Variants in BLTP3B observed in about 807,000 individuals in gnomAD.
BLTP3B encodes UHRF1 (ICBP90) binding protein 1-like.
the BLTP3B span, chr12:100,070,172 G>A: frequency 1.3e-6 from 2 of 1,560,918 alleles, no homozygotes; most frequent in African/African-American, 1.4e-5. Context: ...GAAGGCAGCT[G>A]AGAGAAACAA....
chr12:100,041,289 T>C, the BLTP3B span, among the ~76,000 whole-genome samples: 623 of 152,200 alleles, frequency 4.1e-3, 8 homozygotes, highest in African/African-American at 0.014. Flanking sequence ...AAGTTAGAAA[T>C]AGAAGGGAAC....
chr12:100,116,316 T>C, the BLTP3B span, among the ~76,000 whole-genome samples: 1 of 151,368 alleles, frequency 6.6e-6, no homozygotes. Flanking sequence ...TAGCTAAGCA[T>C]AGTGGCAGGG....
At chr12:100,113,111 C>A in the BLTP3B span, among the ~76,000 whole-genome samples, 3 of 152,166 alleles carry the variant, frequency 2.0e-5, no homozygotes, top group African/African-American at 7.2e-5. Context: ...GTCGAGGTTG[C>A]AGTGAACCAT....
the BLTP3B span, chr12:100,059,302 T>C: frequency 2.5e-6 from 4 of 1,613,966 alleles, no homozygotes; most frequent in Non-Finnish European, 3.4e-6. Context: ...TGAGCATGTC[T>C]CTGGAAAATT....
chr12:100,078,883 G>A, the BLTP3B span, among the ~76,000 whole-genome samples: 3 of 152,060 alleles, frequency 2.0e-5, no homozygotes, highest in African/African-American at 7.2e-5. Flanking sequence ...GAATTATGGG[G>A]GCAAGTCTTT....
the BLTP3B span, among the ~76,000 whole-genome samples, chr12:100,103,160 A>G: frequency 4.3e-4 from 65 of 152,280 alleles, no homozygotes; most frequent in African/African-American, 1.5e-3. Flanking sequence ...ATGAAAACAG[A>G]ATCTCTACTC....
the BLTP3B span, among the ~76,000 whole-genome samples, chr12:100,081,447 T>C: frequency 6.6e-6 from 1 of 152,184 alleles, no homozygotes; most frequent in Non-Finnish European, 1.5e-5. Flanking sequence ...AGGGGGTACA[T>C]GTGCAGGTTT....
At chr12:100,037,922 A>G in the BLTP3B span, among the ~76,000 whole-genome samples, 3 of 152,172 alleles carry the variant, frequency 2.0e-5, no homozygotes, top group African/African-American at 7.2e-5. Context: ...GGAAACATGT[A>G]TCAAGCACTT....
At chr12:100,082,704 T>C in the BLTP3B span, among the ~76,000 whole-genome samples, 1 of 152,246 alleles carries the variant, frequency 6.6e-6, no homozygotes. Context: ...TGGTTGTAGG[T>C]GTGCAGCTTT....
the BLTP3B span, chr12:100,095,630 T>A: frequency 6.4e-7 from 1 of 1,573,070 alleles, no homozygotes; most frequent in Non-Finnish European, 8.6e-7. Flanking sequence ...TATTTTCATG[T>A]AAAGTAAGTA....
the BLTP3B span, among the ~76,000 whole-genome samples, chr12:100,041,480 A>G: frequency 8.2e-6 from 1 of 121,514 alleles, no homozygotes; most frequent in Admixed American, 1.2e-4. Context: ...CTCTGTCGCC[A>G]GGCTGGAGTG....
At chr12:100,117,851 C>G in the BLTP3B span, among the ~76,000 whole-genome samples, 10 of 152,236 alleles carry the variant, frequency 6.6e-5, no homozygotes, top group African/African-American at 2.4e-4. Flanking sequence ...CCCAGAGATT[C>G]TGGTGCTCTT....
chr12:100,081,182 G>T, the BLTP3B span, among the ~76,000 whole-genome samples: 1 of 152,080 alleles, frequency 6.6e-6, no homozygotes, highest in Admixed American at 6.6e-5. Context: ...GCCCAGTCTC[G>T]GGTATGTCTT....
At chr12:100,050,962 T>C in the BLTP3B span, 31 of 1,362,038 alleles carry the variant, frequency 2.3e-5, no homozygotes, top group Admixed American at 2.7e-5. Context: ...GCAAATTGAA[T>C]TGCCCACCAT....
At chr12:100,133,862 G>C in the BLTP3B span, among the ~76,000 whole-genome samples, 1 of 152,272 alleles carries the variant, frequency 6.6e-6, no homozygotes, top group East Asian at 1.9e-4. Flanking sequence ...GGTACAGTAC[G>C]ATAGCTTGAG....
At chr12:100,105,275 T>C in the BLTP3B span, among the ~76,000 whole-genome samples, 1 of 151,468 alleles carries the variant, frequency 6.6e-6, no homozygotes, top group Non-Finnish European at 1.5e-5. Flanking sequence ...ATGGAACAGG[T>C]GTAAAAATAG....
chr12:100,044,708 T>G, the BLTP3B span, among the ~76,000 whole-genome samples: 1 of 152,190 alleles, frequency 6.6e-6, no homozygotes, highest in Admixed American at 6.5e-5. Flanking sequence ...ATGCCCTCTC[T>G]CATCATTCCT....
chr12:100,092,095 G>A, the BLTP3B span, among the ~76,000 whole-genome samples: 1 of 152,026 alleles, frequency 6.6e-6, no homozygotes, highest in African/African-American at 2.4e-5. Context: ...ACTGCACCTG[G>A]CCCCTATGAA....
At chr12:100,058,688 TAA>T in the BLTP3B span, 1 of 1,614,016 alleles carries the variant, frequency 6.2e-7, no homozygotes, top group Non-Finnish European at 8.5e-7. Flanking sequence ...CACTTCTAAG[TAA>T]AATTCCAATA....
Sources: gnomAD v4.1 joint callset for allele counts (sites outside exome capture counted in the v4.1 genomes callset) on GRCh38, gnomAD v4.1.1 for gene constraint, MANE v1.5 for transcripts, NCBI Gene and HGNC (gene_info 2026-07-23, HGNC 2026-07-21) for gene names.